CCZ1: variants seen among roughly 807,000 people sequenced by gnomAD.
CCZ1 encodes the protein vacuolar fusion protein CCZ1 homolog.
CCZ1 carries 19 observed loss-of-function variants against 57.8 expected under a neutral mutation model. That is an observed-to-expected ratio of 0.33 (90% confidence interval 0.23 to 0.48). CCZ1 has a LOEUF of 0.48. Ranked by LOEUF, CCZ1 falls within the 20% of genes least tolerant of loss-of-function variation. The pLI, the probability that CCZ1 is intolerant of heterozygous loss-of-function variation, is 0.99. For synonymous variants in CCZ1, 81 were observed against 167.0 expected, an observed-to-expected ratio of 0.49 and a Z score of 3.97; for missense variants, 200 against 492.0, an observed-to-expected ratio of 0.41 and a Z score of 5.61.
intron 1 of CCZ1, among the ~76,000 whole-genome samples, chr7:5,899,334 G>GGTGT (rs869199583): frequency 8.2e-3 from 103 of 12,534 alleles, no homozygotes; most frequent in East Asian, 0.018. Flanking sequence ...TCGGGAGGGG[G>GGTGT]GTGTGTGTGT....
At chr7:5,925,583 C>T (rs114399625) in intron 14 of CCZ1, 49 bp from the exon 15 acceptor site, 166,672 of 1,586,836 alleles carry the variant, frequency 0.11, 3,160 homozygotes, top group Non-Finnish European at 0.12. Context: ...ATCATGTAAC[C>T]TTTTAAGTGA....
rs368511268 is a variant in CCZ1 at position 5,901,644 on chromosome 7, T to A, written c.391-13T>A. ...CTTGAACTGAGCTGTGTGCTGTGTT[T>A]TCGCGTCTGCAGGACAAGGTTTATA... On this transcript the variant is annotated splice_polypyrimidine_tract_variant and intron_variant, in intron 4 of 14. Transcript: ENST00000325974. The A allele has an allele frequency of 2.8e-5, 44 of 1,595,092 alleles. 2 individuals are homozygous for A. Among genetic ancestry groups the A allele is most frequent in the Non-Finnish European group, 3.7e-5 (43 of 1,174,292 alleles).
chr7:5,909,121 T>C lies in CCZ1; in HGVS notation c.699-914T>C, dbSNP rs550781952. ...TCCCTTGTGACTTTTTTTTTTTTTT[T>C]ATCTCAAATGGCATGTAAAATACAG... On this transcript the variant is annotated intron_variant, in intron 7 of 14. Coordinates refer to ENST00000325974, the MANE Select transcript of CCZ1 (RefSeq NM_015622.6). Among the ~76,000 whole-genome samples the C allele has an allele frequency of 4.1e-5, 6 of 144,926 alleles. 1 individual carries two copies. Among genetic ancestry groups the C allele is most frequent in the African/African-American group, 1.3e-4 (5 of 39,208 alleles).
chr7:5,915,570 C>T (rs1779132108), intron 10 of CCZ1, among the ~76,000 whole-genome samples: 1 of 151,374 alleles, frequency 6.6e-6, no homozygotes, highest in South Asian at 2.1e-4. Context: ...TACCATACAA[C>T]TCACCCTCGT....
In CCZ1 at chr7:5,921,066, C is replaced by G. The variant is rs1292511775; in HGVS notation, c.1106+1100C>G. ...TCCCAGGTTCAAGCGATTCTCCTGC[C>G]TCAGCCTCCTGAGTAGCTGGGTGCC... On this transcript the variant is annotated intron_variant, in intron 12 of 14. Transcript: ENST00000325974. 4.0e-5 allele frequency among the ~76,000 whole-genome samples: 4 copies of G among 99,030 alleles called. 1 individual carries two copies. The highest frequency in any genetic ancestry group is 8.1e-5 in the Non-Finnish European group (4 of 49,622). The allele number at this position is 99,030 out of a possible 152,430, so 65.0% of individuals were successfully genotyped here. A position where few individuals can be genotyped will look rare whatever the true frequency, so the allele number is the denominator to read the frequency against.
At chr7:5,901,768 G>GT (rs1281549536) in intron 5 of CCZ1, 64 bp downstream of exon 5, 1 of 1,572,834 alleles carries the variant, frequency 6.4e-7, no homozygotes, top group Non-Finnish European at 8.6e-7. Context: ...AGGCTCCAGG[G>GT]TTGTTTAAAG....
At chr7:5,903,884 A>T (rs1439857726) in intron 6 of CCZ1, among the ~76,000 whole-genome samples, 1 of 143,980 alleles carries the variant, frequency 6.9e-6, no homozygotes. Context: ...AATCCCAGCT[A>T]TTCTGGAGGC....
At chr7:5,910,517 C>G (rs1045789063) in intron 8 of CCZ1, among the ~76,000 whole-genome samples, 1 of 146,528 alleles carries the variant, frequency 6.8e-6, no homozygotes, top group East Asian at 2.3e-4. Context: ...TTAGTAGAGA[C>G]AGGTTTCACT....
intron 7 of CCZ1, among the ~76,000 whole-genome samples, chr7:5,905,570 T>A (rs1781790893): frequency 6.9e-6 from 1 of 143,984 alleles, no homozygotes; most frequent in African/African-American, 2.6e-5. Context: ...AATCACGAGG[T>A]CAGGAGTTGG....
At position 5,898,763 on chromosome 7, in the gene CCZ1, G is replaced by C; in HGVS notation, c.-37G>C. On this transcript the variant is annotated 5_prime_UTR_variant, in exon 1 of 15. Coordinates refer to ENST00000325974, the MANE Select transcript of CCZ1 (RefSeq NM_015622.6). ...AGCCGGTGGCTGCTGTCTCTGGGCG[G>C]GCCGTGGGAGGCTCCCGAGGTGGGG... 1 of 352,018 alleles carries C rather than the reference G, an allele frequency of 2.8e-6. No homozygotes were observed. The highest frequency in any genetic ancestry group is 4.7e-6 in the Non-Finnish European group (1 of 210,592). 21.8% of individuals were successfully genotyped at this position (352,018 alleles called of 1,614,324 possible). A position where few individuals can be genotyped will look rare whatever the true frequency, so the allele number is the denominator to read the frequency against.
intron 8 of CCZ1, among the ~76,000 whole-genome samples, chr7:5,911,041 A>AG (rs1476276341): frequency 1.3e-5 from 2 of 148,748 alleles, no homozygotes; most frequent in Non-Finnish European, 3.0e-5. Context: ...TGGCCAAAAA[A>AG]TTGGATTTTA....
In CCZ1 at chr7:5,903,063, G is replaced by C. The variant is rs1205379491; in HGVS notation, c.522+319G>C. ...TGGGCTTACTCAGCAGCCATCTTTT[G>C]TGTGATAGATTAGTTGATAAGGAAA... On this transcript the variant is annotated intron_variant, in intron 6 of 14. Coordinates refer to ENST00000325974, the MANE Select transcript of CCZ1 (RefSeq NM_015622.6). 1.3e-5 allele frequency among the ~76,000 whole-genome samples: 2 copies of C among 148,338 alleles called. 1 individual carries two copies. Among genetic ancestry groups the C allele is most frequent in the Non-Finnish European group, 3.0e-5 (2 of 67,606 alleles).
In CCZ1 at chr7:5,906,294, C is replaced by T. The variant is rs544123118; in HGVS notation, c.698+1025C>T. Among the ~76,000 whole-genome samples, 35 of 145,710 alleles carry T rather than the reference C, an allele frequency of 2.4e-4. 1 individual carries two copies. The highest frequency in any genetic ancestry group is 8.2e-4 in the African/African-American group (32 of 39,028). ...TCTGGGACCCTCAAGTTTTATGTTC[C>T]CGTTGACTAGAGCCCACTTTCTTTC... On this transcript the variant is annotated intron_variant, in intron 7 of 14. Coordinates refer to ENST00000325974, the MANE Select transcript of CCZ1 (RefSeq NM_015622.6).
Position 5,903,457 on chromosome 7 carries a change from T to C in CCZ1, c.522+713T>C, listed in dbSNP as rs1269618425. ...AGCAACAATTCTCAATTTATTTTCT[T>C]CTGAAAATACCTTCTGTATCTATTT... On this transcript the variant is annotated intron_variant, in intron 6 of 14. Coordinates refer to ENST00000325974, the MANE Select transcript of CCZ1 (RefSeq NM_015622.6). Among the ~76,000 whole-genome samples, 3 of 141,476 alleles carry C rather than the reference T, an allele frequency of 2.1e-5. No individual in the cohort carries two copies. The East Asian group carries it at 7.3e-4, about 34-fold the overall frequency. 92.8% of individuals were successfully genotyped at this position (141,476 alleles called of 152,430 possible).
intron 7 of CCZ1, among the ~76,000 whole-genome samples, chr7:5,907,255 C>T (rs1342462587): frequency 6.7e-6 from 1 of 149,532 alleles, no homozygotes; most frequent in African/African-American, 2.5e-5. Context: ...CACAATGTTA[C>T]TAAAGTGAAA....
At chr7:5,899,334 G>GGTGTGTGTGTGTGT (rs869199583) in intron 1 of CCZ1, among the ~76,000 whole-genome samples, 14 of 12,568 alleles carry the variant, frequency 1.1e-3, no homozygotes, top group Admixed American at 3.5e-3. Context: ...TCGGGAGGGG[G>GGTGTGTGTGTGTGT]GTGTGTGTGT....
chr7:5,901,606 A>T (rs553358071), intron 4 of CCZ1, 51 bp from the exon 5 acceptor site: 1 of 1,561,236 alleles, frequency 6.4e-7, no homozygotes, highest in Non-Finnish European at 8.7e-7. Flanking sequence ...TATCCAGTAG[A>T]CATTGTTTTT....
At position 5,902,746 on chromosome 7, in the gene CCZ1, T is replaced by C. The variant is rs533259957; in HGVS notation, c.522+2T>C. ...AGATTAGAGAAATTCTTCCATCGGG[T>C]AAGTATTTTGAATTTCATTTATAAC... On this transcript the variant is annotated splice_donor_variant, in intron 6 of 14. Transcript: ENST00000325974. LOFTEE classifies it high-confidence loss of function. 2 of 1,591,828 alleles carry C rather than the reference T, an allele frequency of 1.3e-6. No individual in the cohort carries two copies. Among genetic ancestry groups the C allele is most frequent in the Non-Finnish European group, 1.7e-6 (2 of 1,175,800 alleles).
intron 6 of CCZ1, among the ~76,000 whole-genome samples, 165 bp from the exon 7 acceptor site, chr7:5,904,929 G>A (rs536424793): frequency 2.0e-5 from 3 of 148,424 alleles, no homozygotes; most frequent in South Asian, 2.2e-4. Context: ...GACTGAGTTG[G>A]CACTCAGTTA....
Sources: gnomAD v4.1 joint callset for allele counts (sites outside exome capture counted in the v4.1 genomes callset) on GRCh38, gnomAD v4.1.1 for gene constraint, MANE v1.5 for transcripts, NCBI Gene and HGNC (gene_info 2026-07-23, HGNC 2026-07-21) for gene names.